Variants in TTC34 observed in about 807,000 individuals in gnomAD.
TTC34 encodes tetratricopeptide repeat protein 34.
TTC34 carries 44 observed loss-of-function variants against 40.7 expected under a neutral mutation model. That is an observed-to-expected ratio of 1.08 (90% CI 0.85 to 1.39). TTC34 has a LOEUF of 1.39. Ranked by LOEUF, TTC34 falls within the 40% of genes most tolerant of loss-of-function variation. The pLI is 0.00. For missense variants in TTC34, 884 were observed against 838.0 expected (o/e 1.05, Z -0.68); for synonymous variants, 422 against 398.6 (o/e 1.06, Z -0.70).
chr1:2,750,835 C>T (rs1307625922), intron 6 of TTC34, among the ~76,000 whole-genome samples: 9 of 126,090 alleles, frequency 7.1e-5, no homozygotes, highest in Middle Eastern at 3.6e-3. Context: ...CAGCCTGGAG[C>T]AGTACCCACA....
At chr1:2,748,027 C>T (rs1272833663) in intron 6 of TTC34, among the ~76,000 whole-genome samples, 1 of 49,754 alleles carries the variant, frequency 2.0e-5, no homozygotes, top group Non-Finnish European at 3.3e-5. Context: ...CAGCCTGGAA[C>T]AGCACCCTGC....
At chr1:2,698,681 C>T (rs1257713844) in intron 6 of TTC34, among the ~76,000 whole-genome samples, 19 of 109,790 alleles carry the variant, frequency 1.7e-4, no homozygotes, top group African/African-American at 7.0e-4. Context: ...TGGAACAGCA[C>T]CCACACCCCC....
chr1:2,641,596 C>A (rs763205012), exon 9 of TTC34: 1 of 1,533,758 alleles, frequency 6.5e-7, no homozygotes, highest in Non-Finnish European at 8.7e-7. Context: ...GCGCCAGCTT[C>A]AGGGCCTGGG....
chr1:2,641,633 T>C, exon 9 of TTC34: 1 of 1,534,846 alleles, frequency 6.5e-7, no homozygotes, highest in Non-Finnish European at 8.7e-7. Flanking sequence ...CGCCGCCTCA[T>C]CCCCCAGGCT....
intron 6 of TTC34, among the ~76,000 whole-genome samples, chr1:2,768,115 G>A (rs994937945): frequency 7.9e-5 from 12 of 151,318 alleles, no homozygotes; most frequent in Admixed American, 7.9e-4. Flanking sequence ...AGCCTAGAGC[G>A]GCACCTGCAC....
chr1:2,776,673 A>AC (rs1215811154), intron 6 of TTC34, among the ~76,000 whole-genome samples: 1 of 13,440 alleles, frequency 7.4e-5, no homozygotes, highest in East Asian at 1.8e-3. Context: ...CAGCCTGGAA[A>AC]CCCCCCCACT....
At chr1:2,777,691 G>C (rs982718475) in intron 6 of TTC34, among the ~76,000 whole-genome samples, 10 of 138,448 alleles carry the variant, frequency 7.2e-5, no homozygotes, top group Admixed American at 2.0e-4. Context: ...GAGGGCATGG[G>C]GGGGGGGGCG....
chr1:2,648,750 C>T (rs1453682184), intron 6 of TTC34, among the ~76,000 whole-genome samples: 1 of 150,734 alleles, frequency 6.6e-6, no homozygotes, highest in Non-Finnish European at 1.5e-5. Flanking sequence ...ACCGCACACT[C>T]CCAGGTGAGC....
rs28449843 is a variant in TTC34 at position 2,694,671 on chromosome 1, C to A, written c.2227-49108G>T. 2.4e-5 allele frequency among the ~76,000 whole-genome samples: 2 copies of A among 83,782 alleles called. 1 individual carries two copies. The highest frequency in any genetic ancestry group is 7.6e-5 in the African/African-American group (2 of 26,216). The allele number at this position is 83,782 out of a possible 152,430, so 55.0% of individuals were successfully genotyped here. ...TGACGGCCTGGAACAGCACACACACCGCCAGGTGACCATTGGACACCCTGG... is the reference window on the plus strand; with the variant it reads ...TGACGGCCTGGAACAGCACACACACAGCCAGGTGACCATTGGACACCCTGG... On this transcript the variant is annotated intron_variant, in intron 6 of 8. Coordinates refer to ENST00000401095, the Ensembl canonical transcript of TTC34.
At chr1:2,655,541 G>A (rs1422743012) in intron 6 of TTC34, among the ~76,000 whole-genome samples, 214 of 127,310 alleles carry the variant, frequency 1.7e-3, no homozygotes, top group African/African-American at 6.2e-3. Flanking sequence ...CACCCCCAGT[G>A]AGCATCTGAC....
chr1:2,781,632 CATT>C (rs1643485130), intron 6 of TTC34, among the ~76,000 whole-genome samples: 1 of 152,102 alleles, frequency 6.6e-6, no homozygotes. Context: ...TCTTTTTCAT[CATT>C]GAGTATGATG....
rs1641508367 is a variant in TTC34 at position 2,756,445 on chromosome 1, CAG to C, written c.2226+27162_2226+27163del. 5.6e-4 allele frequency among the ~76,000 whole-genome samples: 52 copies of C among 93,030 alleles called. 3 individuals are homozygous for C. Among genetic ancestry groups the C allele is most frequent in the African/African-American group, 1.7e-3 (34 of 19,786 alleles). The allele number at this position is 93,030 out of a possible 152,430, so 61.0% of individuals were successfully genotyped here. ...CCCACACCCCCAGGTGAGCATCTGA[CAG>C]CCTGGAAGAGCAACCACACCCCCAG... On this transcript the variant is annotated intron_variant, in intron 6 of 8. Transcript: ENST00000401095.
At position 2,651,945 on chromosome 1, in the gene TTC34, C is replaced by G. The variant is rs375842113; in HGVS notation, c.2227-6382G>C. ...TGCACTCAGGGGAGCATCTGACAGCCTGAAGCAGCACCTTCCACCTCTAAG... is the reference window on the plus strand; with the variant it reads ...TGCACTCAGGGGAGCATCTGACAGCGTGAAGCAGCACCTTCCACCTCTAAG... On this transcript the variant is annotated intron_variant, in intron 6 of 8. Transcript: ENST00000401095. Among the ~76,000 whole-genome samples, 1,498 of 151,102 alleles carry G rather than the reference C, an allele frequency of 9.9e-3. 21 individuals are homozygous for G. The highest frequency in any genetic ancestry group is 0.018 in the Admixed American group (266 of 15,106).
At chr1:2,787,756 A>T in intron 3 of TTC34, 50 bp from the exon 4 acceptor site, 1 of 1,419,594 alleles carries the variant, frequency 7.0e-7, no homozygotes, top group Non-Finnish European at 9.5e-7. Flanking sequence ...CAACCCCTCC[A>T]CCTGCCCAGG....
intron 6 of TTC34, among the ~76,000 whole-genome samples, chr1:2,651,248 T>C (rs1639126483): frequency 6.6e-6 from 1 of 151,672 alleles, no homozygotes; most frequent in Admixed American, 6.6e-5. Context: ...GGTGAATGTG[T>C]GACAGCCTGA....
chr1:2,641,981 C>G, intron 8 of TTC34, 86 bp from the exon 9 acceptor site: 3 of 1,328,634 alleles, frequency 2.3e-6, no homozygotes, highest in Non-Finnish European at 3.0e-6. Flanking sequence ...GTCCTCTGCA[C>G]AGCCAGCTTC....
At chr1:2,681,428 C>T (rs1162314199) in intron 6 of TTC34, among the ~76,000 whole-genome samples, 19 of 139,434 alleles carry the variant, frequency 1.4e-4, no homozygotes, top group East Asian at 6.0e-4. Context: ...CCCATACGCC[C>T]AGATGAGCAT....
chr1:2,685,643 AG>A (rs1640299937), intron 6 of TTC34, among the ~76,000 whole-genome samples: 2 of 143,176 alleles, frequency 1.4e-5, no homozygotes, highest in African/African-American at 5.5e-5. Context: ...CCACACCCTC[AG>A]GTGAGCATCT....
rs1570755811 is a variant in TTC34 at position 2,653,257 on chromosome 1, G to A, written c.2227-7694C>T. On this transcript the variant is annotated intron_variant, in intron 6 of 8. Transcript: ENST00000401095. ...GAACAGCACCCACATGCCCAGGTGA[G>A]CCTCTGACAACCTGGAACAGCACCC... Among the ~76,000 whole-genome samples, 57 of 139,766 alleles carry A rather than the reference G, an allele frequency of 4.1e-4. No individual in the cohort carries two copies. The East Asian group carries it at 0.013, about 33-fold the overall frequency. 91.7% of individuals were successfully genotyped at this position (139,766 alleles called of 152,430 possible).
Sources: gnomAD v4.1 joint callset for allele counts (sites outside exome capture counted in the v4.1 genomes callset) on GRCh38, gnomAD v4.1.1 for gene constraint, MANE v1.5 for transcripts, NCBI Gene and HGNC (gene_info 2026-07-23, HGNC 2026-07-21) for gene names.